The following EFCAB5 variants were observed in gnomAD, a reference collection of about 807,000 sequenced individuals.
EFCAB5 encodes EF-hand calcium-binding domain-containing protein 5.
A neutral mutation model predicts 167.9 loss-of-function variants in EFCAB5; 131 were observed. That is an observed-to-expected ratio of 0.78 (90% CI 0.68 to 0.90). The LOEUF (loss-of-function observed/expected upper bound fraction) is 0.90. Ranked by LOEUF, EFCAB5 falls within the 40% of genes least tolerant of loss-of-function variation. The pLI is 0.00. For missense variants in EFCAB5, 1,663 were observed against 1,745.2 expected (o/e 0.95, Z 0.84); for synonymous variants, 574 against 602.8 (o/e 0.95, Z 0.70).
chr17:30,087,512 G>C (rs1174638912), intron 19 of EFCAB5, among the ~76,000 whole-genome samples: 2 of 152,060 alleles, frequency 1.3e-5, no homozygotes, highest in Non-Finnish European at 2.9e-5. Flanking sequence ...TCATTGTTCA[G>C]CTCCCACTTA....
intron 3 of EFCAB5, among the ~76,000 whole-genome samples, chr17:29,943,894 G>C (rs1199094583): frequency 1.3e-5 from 2 of 152,028 alleles, no homozygotes; most frequent in Non-Finnish European, 2.9e-5. Context: ...AGAATTGCGT[G>C]AACAGGGAGG....
chr17:29,960,989 C>A (rs2067710022), intron 3 of EFCAB5, among the ~76,000 whole-genome samples: 2 of 152,234 alleles, frequency 1.3e-5, no homozygotes, highest in South Asian at 2.1e-4. Flanking sequence ...TGCCACTGTA[C>A]CCAGCTCTAC....
At chr17:29,945,448 A>G (rs1253860240) in intron 3 of EFCAB5, among the ~76,000 whole-genome samples, 1 of 152,068 alleles carries the variant, frequency 6.6e-6, no homozygotes, top group Non-Finnish European at 1.5e-5. Flanking sequence ...GTGGTGGCTT[A>G]TGCCTGTAAT....
At chr17:30,081,121 G>A (rs543673202) in intron 17 of EFCAB5, 140 bp downstream of exon 17, 3 of 682,800 alleles carry the variant, frequency 4.4e-6, no homozygotes, top group South Asian at 4.1e-5. Flanking sequence ...TTCCCTGAAT[G>A]TATGTTTCAG....
At chr17:30,016,109 A>G (rs1275658377) in intron 7 of EFCAB5, among the ~76,000 whole-genome samples, 1 of 152,060 alleles carries the variant, frequency 6.6e-6, no homozygotes, top group Non-Finnish European at 1.5e-5. Context: ...ACTGTTCTTT[A>G]TATATTCAAT....
chr17:30,072,655 G>C (rs1398374602), intron 14 of EFCAB5, among the ~76,000 whole-genome samples: 1 of 152,090 alleles, frequency 6.6e-6, no homozygotes, highest in Non-Finnish European at 1.5e-5. Context: ...GTTTCCCCAT[G>C]GTTAAATTCA....
chr17:30,029,560 TC>T (rs1225879478), intron 7 of EFCAB5, among the ~76,000 whole-genome samples: 42 of 151,570 alleles, frequency 2.8e-4, no homozygotes, highest in Non-Finnish European at 2.9e-4. Context: ...TTAGCACTAA[TC>T]TTTTTTTTTT....
In EFCAB5 at chr17:29,942,266, G is replaced by A; in HGVS notation, c.69G>A (p.Arg23=). Residue 23 remains arginine, a synonymous_variant, in exon 2 of 23, where the codon AGG becomes AGA. Coordinates refer to ENST00000394835, the MANE Select transcript of EFCAB5 (RefSeq NM_198529.4). ...AQENRKEDKE[R]KWNLTEVKEL... ...AAAACAGAAAAGAAGACAAAGAGAG[G>A]AAATGGAACTTAACTGAAGTGAAAG... The A allele has an allele frequency of 1.3e-6, 2 of 1,591,214 alleles. No individual in the cohort carries two copies. The highest frequency in any genetic ancestry group is 1.2e-5 in the South Asian group (1 of 86,714).
intron 7 of EFCAB5, among the ~76,000 whole-genome samples, chr17:30,004,787 A>ATTTTTTT (rs60231360): frequency 1.5e-4 from 17 of 115,136 alleles, no homozygotes; most frequent in South Asian, 2.8e-4. Flanking sequence ...CTCCTGGCTA[A>ATTTTTTT]TTTTTTTTTT....
At chr17:30,021,609 C>T (rs1421147232) in intron 7 of EFCAB5, among the ~76,000 whole-genome samples, 1 of 151,726 alleles carries the variant, frequency 6.6e-6, no homozygotes, top group Non-Finnish European at 1.5e-5. Flanking sequence ...ACTTTCTCTT[C>T]TTGAAGTGCA....
upstream of EFCAB5, chr17:29,941,627 A>G: frequency 1.8e-6 from 1 of 550,824 alleles, no homozygotes; most frequent in Admixed American, 3.5e-5. Context: ...TCAGCAGTTG[A>G]GAATTTATCA....
chr17:29,929,958 T>G, intron 1 of EFCAB5: 1 of 1,598,868 alleles, frequency 6.3e-7, no homozygotes, highest in East Asian at 2.3e-5. Flanking sequence ...GGGCTGGAGG[T>G]GGTGCTGGGG....
chr17:29,932,616 C>T (rs893319977), intron 1 of EFCAB5, among the ~76,000 whole-genome samples: 17 of 151,870 alleles, frequency 1.1e-4, no homozygotes, highest in African/African-American at 3.4e-4. Context: ...CCACCACGCC[C>T]GGCTAATTTT....
At position 30,041,902 on chromosome 17, in the gene EFCAB5, T is replaced by C. The variant is rs549847686; in HGVS notation, c.1200+7517T>C. 2.6e-5 allele frequency among the ~76,000 whole-genome samples: 4 copies of C among 152,352 alleles called. 1 individual carries two copies. The South Asian group carries it at 8.3e-4, about 32-fold the overall frequency. ...ATTAGCATTTTTTAGCAATAAAGTG[T>C]TTTTAAATTCAGGTGTGTACTTTTT... is the stretch of plus-strand genomic sequence containing the variant. On this transcript the variant is annotated intron_variant, in intron 8 of 22. Transcript: ENST00000394835.
chr17:30,058,157 T>C (rs1024889382), intron 13 of EFCAB5, among the ~76,000 whole-genome samples: 1 of 152,176 alleles, frequency 6.6e-6, no homozygotes, highest in Non-Finnish European at 1.5e-5. Flanking sequence ...CTGAAGCTTT[T>C]TGAGAAGCAG....
intron 14 of EFCAB5, among the ~76,000 whole-genome samples, chr17:30,060,126 T>A (rs1359182285): frequency 2.0e-5 from 3 of 152,272 alleles, no homozygotes; most frequent in Non-Finnish European, 4.4e-5. Flanking sequence ...TCTATATAGT[T>A]AGATTCCTTC....
intron 13 of EFCAB5, 95 bp from the exon 14 acceptor site, chr17:30,059,450 A>G (rs1343673927): frequency 1.5e-6 from 2 of 1,322,794 alleles, no homozygotes; most frequent in Non-Finnish European, 2.0e-6. Flanking sequence ...CTGTTTTAAT[A>G]GAAGACGCTG....
chr17:29,956,628 T>G (rs550108541), intron 3 of EFCAB5, among the ~76,000 whole-genome samples: 11 of 152,312 alleles, frequency 7.2e-5, no homozygotes, highest in Non-Finnish European at 1.5e-4. Context: ...AACTGAAAAT[T>G]TGTATGGATG....
chr17:29,939,283 A>T (rs1165373140), upstream of EFCAB5, among the ~76,000 whole-genome samples: 1 of 152,268 alleles, frequency 6.6e-6, no homozygotes. Flanking sequence ...CTGTAAACAA[A>T]TGTGCTGTCA....
Sources: gnomAD v4.1 joint callset for allele counts (sites outside exome capture counted in the v4.1 genomes callset) on GRCh38, gnomAD v4.1.1 for gene constraint, MANE v1.5 for transcripts, NCBI Gene and HGNC (gene_info 2026-07-23, HGNC 2026-07-21) for gene names.